Variants in ADGRL2 observed in about 807,000 individuals in gnomAD.
The protein encoded by ADGRL2 is calcium-independent alpha-latrotoxin receptor 2.
ADGRL2 carries 44 observed loss-of-function variants against 157.4 expected under a neutral mutation model. The ratio of observed to expected loss-of-function variants is 0.28; its 90% CI spans 0.22 to 0.36. The LOEUF (loss-of-function observed/expected upper bound fraction) is 0.36, where lower values mean the gene tolerates loss of function less well. Ranked by LOEUF, ADGRL2 falls within the 10% of genes least tolerant of loss-of-function variation. ADGRL2 has a pLI of 1.00. For missense variants in ADGRL2, 1,510 were observed against 1,768.9 expected (o/e 0.85, Z 2.63); for synonymous variants, 585 against 624.7 (o/e 0.94, Z 0.95).
In ADGRL2 at chr1:81,905,152, C is replaced by T. The variant is rs12039606; in HGVS notation, c.74-1865C>T. ...GGCTCTTTTTGCCCAAGCTAGAGTG[C>T]AGTGGTGCCATCTTGGCTCACTGCA... On this transcript the variant is annotated intron_variant, in intron 2 of 23. Coordinates refer to ENST00000686636, the MANE Select transcript of ADGRL2 (RefSeq NM_001366006.2). 0.014 allele frequency among the ~76,000 whole-genome samples: 2,115 copies of T among 150,182 alleles called. 127 individuals carry two copies. The East Asian group carries it at 0.19, about 13-fold the overall frequency.
At chr1:81,925,558 TAAAA>T (rs79070762) in intron 3 of ADGRL2, among the ~76,000 whole-genome samples, 5 of 143,216 alleles carry the variant, frequency 3.5e-5, no homozygotes, top group African/African-American at 5.1e-5. Context: ...CCCTCTTGAT[TAAAA>T]AAAAAAAAAA....
chr1:81,411,301 C>A (rs887077963), intron 1 of ADGRL2, among the ~76,000 whole-genome samples: 10 of 152,198 alleles, frequency 6.6e-5, no homozygotes, highest in Non-Finnish European at 1.0e-4. Flanking sequence ...ATATTTTTCA[C>A]AAGCCTTAGA....
chr1:81,578,662 G>A (rs531421461), intron 2 of ADGRL2, among the ~76,000 whole-genome samples: 85 of 152,102 alleles, frequency 5.6e-4, no homozygotes, highest in Admixed American at 1.6e-3. Flanking sequence ...AAGAATGATA[G>A]TATTTAAAAA....
intron 1 of ADGRL2, among the ~76,000 whole-genome samples, chr1:81,751,074 C>T (rs1373631520): frequency 6.6e-6 from 1 of 151,974 alleles, no homozygotes; most frequent in African/African-American, 2.4e-5. Context: ...TGCTGAAATA[C>T]GGAAGTATTA....
chr1:81,970,692 C>T (rs1053559028), intron 16 of ADGRL2, among the ~76,000 whole-genome samples, 158 bp downstream of exon 16: 1 of 152,064 alleles, frequency 6.6e-6, no homozygotes, highest in African/African-American at 2.4e-5. Context: ...AAGTCTTTTG[C>T]AATTTTCTGG....
rs146694157 is a variant in ADGRL2 at position 81,943,266 on chromosome 1, T to A, written c.707T>A (p.Phe236Tyr). Residue 236 changes from phenylalanine to tyrosine, a missense_variant, in exon 6 of 24, where the codon TTT becomes TAT. Phe to Tyr is a conservative substitution (Grantham distance 22). Transcript: ENST00000686636. This position sits in a 1 kb window ranked among gnomAD's most constrained non-coding sequence, Gnocchi z 5.6. Reference protein sequence around the residue: ...NKERTRNIVKFDLRTRIKSGE... With the variant: ...NKERTRNIVKYDLRTRIKSGE... ...GAAAGAACGAGGAATATTGTGAAAT[T>A]TGACTTGAGGACTAGAATTAAGAGT... is the stretch of plus-strand genomic sequence containing the variant. 7 of 1,613,530 alleles carry A rather than the reference T, an allele frequency of 4.3e-6. No individual in the cohort carries two copies. The African/African-American group carries it at 8.0e-5, about 18-fold the overall frequency.
At chr1:81,625,919 T>A (rs1458557672) in intron 3 of ADGRL2, among the ~76,000 whole-genome samples, 1 of 152,152 alleles carries the variant, frequency 6.6e-6, no homozygotes, top group Non-Finnish European at 1.5e-5. Context: ...GAGTTAAAAG[T>A]TCCTTATTTT....
At chr1:81,855,476 G>A (rs1571700674) in intron 2 of ADGRL2, among the ~76,000 whole-genome samples, 1 of 151,962 alleles carries the variant, frequency 6.6e-6, no homozygotes. Context: ...ACAAAATCAA[G>A]TCGGCAGGTG....
intron 3 of ADGRL2, among the ~76,000 whole-genome samples, chr1:81,602,784 G>T (rs2148639366): frequency 6.6e-6 from 1 of 150,438 alleles, no homozygotes; most frequent in South Asian, 2.1e-4. Context: ...TGTAATCCCA[G>T]CTACTCGGGG....
chr1:81,499,765 T>C (rs1473708265), intron 2 of ADGRL2, among the ~76,000 whole-genome samples: 1 of 152,194 alleles, frequency 6.6e-6, no homozygotes, highest in African/African-American at 2.4e-5. Context: ...CAAAAGAAAG[T>C]ATTTGGCTTA....
intron 2 of ADGRL2, among the ~76,000 whole-genome samples, chr1:81,886,415 C>T (rs1400939142): frequency 6.6e-6 from 1 of 152,142 alleles, no homozygotes; most frequent in Non-Finnish European, 1.5e-5. Context: ...CGTGATCTGC[C>T]CGTCTCGGCT....
chr1:81,657,941 T>G (rs1237352799), intron 3 of ADGRL2, among the ~76,000 whole-genome samples: 1 of 152,184 alleles, frequency 6.6e-6, no homozygotes, highest in Non-Finnish European at 1.5e-5. Flanking sequence ...GTAAATTACT[T>G]ATAAAGCATA....
intron 2 of ADGRL2, among the ~76,000 whole-genome samples, chr1:81,904,480 T>C (rs1046824957): frequency 2.0e-5 from 3 of 152,238 alleles, no homozygotes; most frequent in African/African-American, 7.2e-5. Flanking sequence ...CTTATGGTTC[T>C]GGGGTTCTGG....
intron 1 of ADGRL2, among the ~76,000 whole-genome samples, chr1:81,368,592 C>T (rs952477301): frequency 6.6e-6 from 1 of 152,076 alleles, no homozygotes; most frequent in African/African-American, 2.4e-5. Flanking sequence ...TATTCTGTGC[C>T]ACGTATGAGA....
intron 3 of ADGRL2, among the ~76,000 whole-genome samples, chr1:81,927,863 A>T (rs1043093709): frequency 6.6e-6 from 1 of 152,020 alleles, no homozygotes; most frequent in Non-Finnish European, 1.5e-5. Context: ...AGAAAGCAAG[A>T]CCCACTTTCC....
At chr1:81,429,515 G>A (rs2077281544) in intron 1 of ADGRL2, among the ~76,000 whole-genome samples, 1 of 152,180 alleles carries the variant, frequency 6.6e-6, no homozygotes, top group African/African-American at 2.4e-5. Flanking sequence ...GCCATTGGTT[G>A]CCTGTCCTAA....
At chr1:81,607,222 G>A (rs2081452399) in intron 3 of ADGRL2, among the ~76,000 whole-genome samples, 1 of 152,080 alleles carries the variant, frequency 6.6e-6, no homozygotes, top group South Asian at 2.1e-4. Flanking sequence ...ACGCAACATT[G>A]GGTATCAAAC....
At chr1:81,508,705 T>A (rs898474965) in intron 2 of ADGRL2, among the ~76,000 whole-genome samples, 4 of 152,194 alleles carry the variant, frequency 2.6e-5, no homozygotes, top group African/African-American at 9.6e-5. Context: ...AGCCCTGCCA[T>A]CTTTTTACAG....
At chr1:81,603,474 T>A (rs1165787377) in intron 3 of ADGRL2, among the ~76,000 whole-genome samples, 1 of 151,878 alleles carries the variant, frequency 6.6e-6, no homozygotes, top group Non-Finnish European at 1.5e-5. Context: ...TAAATCAATC[T>A]GTATAAATCA....
Sources: allele counts gnomAD v4.1 joint callset (sites outside exome capture counted in the v4.1 genomes callset), GRCh38; gene constraint gnomAD v4.1.1; non-coding constraint Gnocchi (gnomAD v3.1); transcripts MANE v1.5; gene names NCBI Gene and HGNC (gene_info 2026-07-23, HGNC 2026-07-21).